CD33: variants seen among roughly 807,000 people sequenced by gnomAD.
CD33 encodes CD33 molecule.
Under a neutral mutation model 31.4 loss-of-function variants are expected in CD33, and 25 were observed. The observed-to-expected ratio is 0.80, with a 90% CI of 0.58 to 1.11. The LOEUF (loss-of-function observed/expected upper bound fraction) is 1.11, where lower values mean the gene tolerates loss of function less well. Among genes scored for constraint, CD33 ranks in the 50% most tolerant of loss-of-function variants. The pLI is 0.00. For missense variants in CD33, 407 were observed against 448.1 expected, an observed-to-expected ratio of 0.91 and a Z score of 0.83; for synonymous variants, 176 against 180.6, an observed-to-expected ratio of 0.97 and a Z score of 0.20.
chr19:51,234,556 G>A (rs1981643747), intron 4 of CD33, among the ~76,000 whole-genome samples: 1 of 152,136 alleles, frequency 6.6e-6, no homozygotes. Flanking sequence ...AGCCCAGTGA[G>A]AGCAGGAACA....
At chr19:51,238,433 C>T (rs1981944516) in intron 6 of CD33, 1 of 152,160 alleles carries the variant, frequency 6.6e-6, no homozygotes, top group South Asian at 2.1e-4. Flanking sequence ...TCCACAGACA[C>T]AGCCCTGGAA....
At chr19:51,211,621 G>A in the CD33 span, 2 of 1,423,772 alleles carry the variant, frequency 1.4e-6, no homozygotes, top group Non-Finnish European at 1.9e-6. Context: ...AGCCACAAGG[G>A]AAGGTCAAAG....
At chr19:51,227,713 T>C (rs1460000672) in intron 4 of CD33, among the ~76,000 whole-genome samples, 2 of 152,214 alleles carry the variant, frequency 1.3e-5, no homozygotes, top group Non-Finnish European at 2.9e-5. Context: ...ATAGAAGCTT[T>C]TTAGCTTGAT....
At chr19:51,213,494 T>TTTTTC in the CD33 span, among the ~76,000 whole-genome samples, 1 of 152,168 alleles carries the variant, frequency 6.6e-6, no homozygotes, top group Non-Finnish European at 1.5e-5. Flanking sequence ...AAAATTCTCA[T>TTTTTC]TTTTCTTTTC....
At position 51,225,913 on chromosome 19, in the gene CD33, T is replaced by C. The variant is rs763954105; in HGVS notation, c.529T>C (p.Phe177Leu). Residue 177 changes from phenylalanine (F) to leucine (L), a missense_variant, in exon 3 of 7, where the codon TTC becomes CTC. Transcript: ENST00000262262. ...WACEQGTPPI[F>L]SWLSAAPTSL... ...CTGTGAGCAGGGAACACCCCCGATC[T>C]TCTCCTGGTTGTCAGCTGCCCCCAC... 8.7e-6 allele frequency: 14 copies of C among 1,614,016 alleles called. No homozygotes were observed. The highest frequency in any genetic ancestry group is 1.7e-5 in the Admixed American group (1 of 60,004).
At chr19:51,232,977 G>GT (rs956078666) in intron 4 of CD33, among the ~76,000 whole-genome samples, 2 of 152,166 alleles carry the variant, frequency 1.3e-5, no homozygotes, top group African/African-American at 4.8e-5. Context: ...GGATGTGAGT[G>GT]TAAGACTGCT....
chr19:51,211,715 G>C, the CD33 span: 1 of 818,338 alleles, frequency 1.2e-6, no homozygotes, highest in Admixed American at 2.3e-5. Context: ...GGGAGGACCC[G>C]GACCAGAACC....
At chr19:51,211,450 G>C in the CD33 span, 1 of 1,568,644 alleles carries the variant, frequency 6.4e-7, no homozygotes, top group Non-Finnish European at 8.6e-7. Flanking sequence ...CCGCCTCCTT[G>C]GGGATCCCAG....
the CD33 span, among the ~76,000 whole-genome samples, chr19:51,219,398 T>C: frequency 6.6e-6 from 1 of 152,260 alleles, no homozygotes; most frequent in African/African-American, 2.4e-5. Flanking sequence ...TGAATTAATT[T>C]ATTAAATCTA....
the CD33 span, chr19:51,211,318 T>A: frequency 5.8e-6 from 9 of 1,564,274 alleles, no homozygotes; most frequent in Admixed American, 1.5e-4. Flanking sequence ...CATACCCTAC[T>A]ACAACAGGAA....
the CD33 span, among the ~76,000 whole-genome samples, chr19:51,213,200 C>G: frequency 6.6e-6 from 1 of 152,062 alleles, no homozygotes; most frequent in Admixed American, 6.6e-5. Context: ...TTGGTTTTTG[C>G]CAATGTCAGG....
chr19:51,235,270 G>C lies in CD33; in HGVS notation c.842+17G>C. 1 of 1,607,166 alleles carries C rather than the reference G, an allele frequency of 6.2e-7. No individual in the cohort carries two copies. The highest frequency in any genetic ancestry group is 8.5e-7 in the Non-Finnish European group (1 of 1,173,844). ...CTTCTTCATGTGAGCATTTTCTCTG[G>C]GTCAGGCATGGGCCAGAGGTGAAGA... On this transcript the variant is annotated intron_variant, in intron 5 of 6. Transcript: ENST00000262262.
At chr19:51,234,219 G>A (rs528091050) in intron 4 of CD33, among the ~76,000 whole-genome samples, 229 of 152,068 alleles carry the variant, frequency 1.5e-3, no homozygotes, top group Admixed American at 6.8e-3. Flanking sequence ...TAGTTTCCCC[G>A]GCCATCAGCA....
At chr19:51,222,783 C>T (rs1401242788), upstream of CD33, among the ~76,000 whole-genome samples, 1 of 152,204 alleles carries the variant, frequency 6.6e-6, no homozygotes, top group Non-Finnish European at 1.5e-5. Context: ...CGTCAAATCT[C>T]ATGCAAATGT....
At chr19:51,216,739 C>T in the CD33 span, among the ~76,000 whole-genome samples, 3 of 151,916 alleles carry the variant, frequency 2.0e-5, no homozygotes, top group East Asian at 3.9e-4. Flanking sequence ...AAGTATTTAA[C>T]TATATAGGAT....
chr19:51,235,291 G>A (rs376645234), intron 5 of CD33, 38 bp downstream of exon 5: 2 of 1,565,318 alleles, frequency 1.3e-6, no homozygotes, highest in African/African-American at 2.7e-5. Context: ...GGCCAGAGGT[G>A]AAGAGGATGG....
chr19:51,218,243 C>T, the CD33 span, among the ~76,000 whole-genome samples: 1 of 152,220 alleles, frequency 6.6e-6, no homozygotes, highest in Non-Finnish European at 1.5e-5. Flanking sequence ...GATGATTTCT[C>T]ACTGCGGTTT....
chr19:51,229,263 T>G (rs534051357), intron 4 of CD33, among the ~76,000 whole-genome samples: 16 of 152,226 alleles, frequency 1.1e-4, no homozygotes, highest in Admixed American at 9.8e-4. Context: ...TGGTATGTTA[T>G]CTTTTTGATG....
intron 4 of CD33, among the ~76,000 whole-genome samples, chr19:51,234,313 A>C (rs1981628826): frequency 6.6e-6 from 1 of 152,218 alleles, no homozygotes; most frequent in Admixed American, 6.5e-5. Flanking sequence ...AGTTTACATT[A>C]AAGTTCACTC....
Sources: allele counts gnomAD v4.1 joint callset (sites outside exome capture counted in the v4.1 genomes callset), GRCh38; gene constraint gnomAD v4.1.1; transcripts MANE v1.5; gene names NCBI Gene and HGNC (gene_info 2026-07-23, HGNC 2026-07-21).